The following SSBP3 variants were observed in gnomAD, a reference collection of about 807,000 sequenced individuals.
The protein encoded by SSBP3 is single stranded DNA binding protein 3.
Under a neutral mutation model 69.6 loss-of-function variants are expected in SSBP3, and 5 were observed. The ratio of observed to expected loss-of-function variants is 0.07; its 90% CI spans 0.04 to 0.15. SSBP3 has a LOEUF of 0.15. SSBP3 is among the 10% of genes least tolerant of loss of function. The probability of loss-of-function intolerance (pLI) is 1.00; values close to 1 mark genes in which losing one functional copy is unlikely to be tolerated. For synonymous variants in SSBP3, 196 were observed against 193.4 expected (o/e 1.01, Z -0.11); for missense variants, 312 against 534.0 (o/e 0.58, Z 4.10).
chr1:54,405,763 C>T (rs1316899423), intron 1 of SSBP3, among the ~76,000 whole-genome samples, 190 bp downstream of exon 1: 1 of 150,658 alleles, frequency 6.6e-6, no homozygotes, highest in Admixed American at 6.6e-5. Context: ...CCTCCGCCGG[C>T]TCCCAACAAT....
At chr1:54,361,613 G>A (rs1646953797) in intron 4 of SSBP3, among the ~76,000 whole-genome samples, 1 of 152,206 alleles carries the variant, frequency 6.6e-6, no homozygotes, top group Non-Finnish European at 1.5e-5. Flanking sequence ...GAGGAGGTGC[G>A]GAACCTGTTC....
intron 5 of SSBP3, among the ~76,000 whole-genome samples, chr1:54,279,719 G>C (rs752033702): frequency 6.6e-6 from 1 of 152,248 alleles, no homozygotes; most frequent in Non-Finnish European, 1.5e-5. Context: ...CCGCTGATGG[G>C]TGCAGGGCGC....
At chr1:54,232,974 C>T (rs1364510029) in intron 14 of SSBP3, among the ~76,000 whole-genome samples, 1 of 152,144 alleles carries the variant, frequency 6.6e-6, no homozygotes, top group Non-Finnish European at 1.5e-5. Context: ...CCCAAAGTGC[C>T]GAGATTGCAG....
chr1:54,323,542 AG>A (rs1646251190), intron 4 of SSBP3, among the ~76,000 whole-genome samples: 1 of 152,190 alleles, frequency 6.6e-6, no homozygotes, highest in Non-Finnish European at 1.5e-5. Flanking sequence ...CCCAACAGGC[AG>A]GTAAGGACTG....
At chr1:54,408,034 T>G (rs548184953), upstream of SSBP3, among the ~76,000 whole-genome samples, 13 of 152,172 alleles carry the variant, frequency 8.5e-5, no homozygotes, top group East Asian at 2.5e-3. Context: ...AGACTCTGGG[T>G]GCATTTTTGG....
intron 4 of SSBP3, among the ~76,000 whole-genome samples, chr1:54,288,892 T>C (rs911828496): frequency 7.3e-5 from 11 of 151,170 alleles, no homozygotes; most frequent in African/African-American, 2.4e-4. Flanking sequence ...TGGTGGCGGG[T>C]GCCTGTAGTG....
Position 54,308,580 on chromosome 1 carries a change from G to A in SSBP3, c.277-27053C>T, listed in dbSNP as rs1337298141. On this transcript the variant is annotated intron_variant, in intron 4 of 17. Transcript: ENST00000610401. The stretch of plus-strand genomic sequence containing the variant: ...TGCGCCACTGCACTCCAGCCTGGCC[G>A]ACAGAGCGAGACTCCATCTCAAAAA... Among the ~76,000 whole-genome samples the A allele has an allele frequency of 9.4e-5, 13 of 138,074 alleles. No homozygotes were observed. The East Asian group carries it at 1.3e-3, about 14-fold the overall frequency. 90.6% of individuals were successfully genotyped at this position (138,074 alleles called of 152,430 possible).
rs78488723 is a variant in SSBP3 at position 54,247,568 on chromosome 1, G to A, written c.651+4048C>T. On this transcript the variant is annotated intron_variant, in intron 9 of 17. Coordinates refer to ENST00000610401, the Ensembl canonical transcript of SSBP3. ...GCCCTGGATCAGCCCCAGGAGATGG[G>A]GGTGGCATAGGATTGTCCCAGGGGC... 9.9e-3 allele frequency among the ~76,000 whole-genome samples: 1,513 copies of A among 152,290 alleles called. 34 individuals are homozygous for A. Among genetic ancestry groups the A allele is most frequent in the African/African-American group, 0.034 (1,410 of 41,552 alleles).
chr1:54,327,694 T>C (rs1488312687), intron 4 of SSBP3, among the ~76,000 whole-genome samples: 2 of 152,312 alleles, frequency 1.3e-5, no homozygotes, highest in African/African-American at 4.8e-5. Flanking sequence ...ATAACAATTA[T>C]GACGTTATAA....
At chr1:54,349,341 T>G (rs1010768954) in intron 4 of SSBP3, among the ~76,000 whole-genome samples, 2 of 152,190 alleles carry the variant, frequency 1.3e-5, no homozygotes, top group Non-Finnish European at 2.9e-5. Context: ...TGGCACACAG[T>G]AGGCACCCAA....
chr1:54,388,923 T>C (rs1434174932), intron 4 of SSBP3, among the ~76,000 whole-genome samples: 1 of 152,218 alleles, frequency 6.6e-6, no homozygotes, highest in Non-Finnish European at 1.5e-5. Flanking sequence ...ACCCTGGCCA[T>C]GCCAGGACAA....
chr1:54,291,306 T>C (rs1487252819), intron 4 of SSBP3, among the ~76,000 whole-genome samples: 1 of 152,086 alleles, frequency 6.6e-6, no homozygotes, highest in Non-Finnish European at 1.5e-5. Flanking sequence ...CAGGACAAAA[T>C]GTACACAGTC....
At position 54,227,180 on chromosome 1, in the gene SSBP3, A is replaced by ACG; in HGVS notation, c.1138-21_1138-20insCG. ...AGAATACTGGAAAGGAGAAGCAGAG[A>ACG]AGGGGGGGGGGTGAGGATTGTGGGG... is the stretch of plus-strand genomic sequence containing the variant. On this transcript the variant is annotated intron_variant, in intron 17 of 17. Transcript: ENST00000610401. The ACG allele has an allele frequency of 1.4e-5, 5 of 354,662 alleles. No individual in the cohort carries two copies. The highest frequency in any genetic ancestry group is 2.3e-5 in the Non-Finnish European group (5 of 217,538). 22.0% of individuals were successfully genotyped at this position (354,662 alleles called of 1,614,324 possible). A position where few individuals can be genotyped will look rare whatever the true frequency, so the allele number is the denominator to read the frequency against.
chr1:54,256,985 G>C (rs1644933278), intron 7 of SSBP3, 142 bp downstream of exon 7: 2 of 809,234 alleles, frequency 2.5e-6, no homozygotes, highest in Middle Eastern at 3.3e-4. Flanking sequence ...CCTCTCTGGG[G>C]AACAGCTAGT....
chr1:54,367,557 AGG>A (rs908270406), intron 4 of SSBP3, among the ~76,000 whole-genome samples: 1 of 152,246 alleles, frequency 6.6e-6, no homozygotes, highest in Non-Finnish European at 1.5e-5. Flanking sequence ...AGAAAGGACG[AGG>A]GGCAGAGTCC....
At position 54,283,431 on chromosome 1, in the gene SSBP3, T is replaced by A. The variant is rs1301025038; in HGVS notation, c.277-1904A>T. ...TGGTTTTCAGCACTGTCACCTCTAC[T>A]ACTAAGTGGGATGACTGTGGGCAAG... On this transcript the variant is annotated intron_variant, in intron 4 of 17. Coordinates refer to ENST00000610401, the Ensembl canonical transcript of SSBP3. Among the ~76,000 whole-genome samples the A allele has an allele frequency of 5.3e-5, 8 of 152,338 alleles. No individual in the cohort carries two copies. In the East Asian group the frequency reaches 1.5e-3, roughly 29 times the overall value.
intron 5 of SSBP3, among the ~76,000 whole-genome samples, chr1:54,277,346 A>G (rs1488348497): frequency 1.3e-5 from 2 of 152,156 alleles, no homozygotes; most frequent in African/African-American, 4.8e-5. Flanking sequence ...ACTTCTTTAG[A>G]TAAGAGTTAT....
At chr1:54,367,125 G>A (rs1170967647) in intron 4 of SSBP3, among the ~76,000 whole-genome samples, 2 of 152,194 alleles carry the variant, frequency 1.3e-5, no homozygotes, top group Admixed American at 1.3e-4. Context: ...TTTGCTGCTG[G>A]AGTCTGAGCT....
At chr1:54,281,408 G>A in intron 5 of SSBP3, 30 bp downstream of exon 5, 1 of 1,529,936 alleles carries the variant, frequency 6.5e-7, no homozygotes. Context: ...ATACAAGGTG[G>A]AGCACAAGAC....
Sources: gnomAD v4.1 joint callset for allele counts (sites outside exome capture counted in the v4.1 genomes callset) on GRCh38, gnomAD v4.1.1 for gene constraint, MANE v1.5 for transcripts, NCBI Gene and HGNC (gene_info 2026-07-23, HGNC 2026-07-21) for gene names.